Variants in AMN1 observed in about 807,000 individuals in gnomAD.
The protein encoded by AMN1 is antagonist of mitotic exit network 1 homolog.
AMN1 carries 20 observed loss-of-function variants against 33.0 expected under a neutral mutation model. That is an observed-to-expected ratio of 0.61 (90% CI 0.43 to 0.88). AMN1 has a LOEUF of 0.88. Among genes scored for constraint, AMN1 ranks in the 40% least tolerant of loss-of-function variants. The pLI, the probability that AMN1 is intolerant of heterozygous loss-of-function variation, is 0.00. For synonymous variants in AMN1, 114 were observed against 111.9 expected (o/e 1.02, Z -0.12); for missense variants, 246 against 307.4 (o/e 0.80, Z 1.49).
At chr12:31,711,712 A>G (rs945177508) in intron 1 of AMN1, among the ~76,000 whole-genome samples, 1 of 152,180 alleles carries the variant, frequency 6.6e-6, no homozygotes, top group Non-Finnish European at 1.5e-5. Context: ...TCTTTTGTTT[A>G]TGCTAGGAAC....
chr12:31,721,375 T>C (rs1939872880), intron 1 of AMN1, among the ~76,000 whole-genome samples: 1 of 151,960 alleles, frequency 6.6e-6, no homozygotes, highest in Non-Finnish European at 1.5e-5. Flanking sequence ...AAGAGGGAAA[T>C]ATCATCCTCA....
chr12:31,707,784 TAGA>T (rs1384789892), intron 2 of AMN1, among the ~76,000 whole-genome samples: 1 of 152,154 alleles, frequency 6.6e-6, no homozygotes, highest in Non-Finnish European at 1.5e-5. Flanking sequence ...GAGACAATGG[TAGA>T]AGATGTTTTA....
chr12:31,674,345 T>C (rs1451596062), intron 6 of AMN1, among the ~76,000 whole-genome samples: 5 of 151,704 alleles, frequency 3.3e-5, no homozygotes, highest in Non-Finnish European at 7.4e-5. Flanking sequence ...GAGGCGGAGA[T>C]TGCAGTAAGC....
chr12:31,684,025 T>G (rs780597460), intron 6 of AMN1, among the ~76,000 whole-genome samples: 1 of 152,212 alleles, frequency 6.6e-6, no homozygotes, highest in Non-Finnish European at 1.5e-5. Flanking sequence ...TGTTAACAAC[T>G]GATTTTTGTT....
chr12:31,682,806 C>T (rs774657536), intron 6 of AMN1, among the ~76,000 whole-genome samples: 27 of 152,096 alleles, frequency 1.8e-4, no homozygotes, highest in Non-Finnish European at 2.4e-4. Flanking sequence ...GATCATGTAA[C>T]GGTAACACCT....
intron 1 of AMN1, among the ~76,000 whole-genome samples, chr12:31,713,389 C>G (rs1939545295): frequency 6.6e-6 from 1 of 152,096 alleles, no homozygotes. Flanking sequence ...AAAATCAAGT[C>G]TTCTTTTCAT....
intron 2 of AMN1, among the ~76,000 whole-genome samples, chr12:31,703,584 A>T (rs982220222): frequency 2.0e-5 from 3 of 152,200 alleles, no homozygotes; most frequent in Non-Finnish European, 4.4e-5. Context: ...ATTCATTAGG[A>T]TAACGGCCTC....
At chr12:31,709,076 G>A (rs757428528) in intron 2 of AMN1, 2 of 600,712 alleles carry the variant, frequency 3.3e-6, no homozygotes. Flanking sequence ...TACTCAGGAG[G>A]CTGAAGAGGG....
chr12:31,724,533 A>G (rs765329311), intron 1 of AMN1, among the ~76,000 whole-genome samples: 1 of 152,110 alleles, frequency 6.6e-6, no homozygotes, highest in Non-Finnish European at 1.5e-5. Flanking sequence ...TCCATTTAAC[A>G]TATATATATA....
intron 1 of AMN1, among the ~76,000 whole-genome samples, chr12:31,720,165 CAT>C (rs1157459440): frequency 6.6e-6 from 1 of 152,166 alleles, no homozygotes; most frequent in Non-Finnish European, 1.5e-5. Context: ...GCATTTTGTA[CAT>C]TTACAATGTT....
chr12:31,711,919 CT>C (rs34519911), intron 1 of AMN1, among the ~76,000 whole-genome samples: 2 of 152,044 alleles, frequency 1.3e-5, no homozygotes, highest in African/African-American at 4.8e-5. Context: ...ATGATATCCA[CT>C]TTTTTTTAGT....
chr12:31,677,045 T>TC (rs1426306987), intron 6 of AMN1, among the ~76,000 whole-genome samples: 2 of 151,592 alleles, frequency 1.3e-5, no homozygotes, highest in African/African-American at 2.4e-5. Context: ...ACACCTGTAA[T>TC]CCCAGCACTT....
chr12:31,672,404 T>C (rs1419449067), intron 6 of AMN1, 27 bp from the exon 7 acceptor site: 16 of 1,464,388 alleles, frequency 1.1e-5, no homozygotes, highest in Non-Finnish European at 1.4e-5. Flanking sequence ...TGACAATATA[T>C]TAATTGACAA....
chr12:31,684,003 C>T (rs988590327), intron 6 of AMN1, among the ~76,000 whole-genome samples: 2 of 152,158 alleles, frequency 1.3e-5, no homozygotes, highest in African/African-American at 4.8e-5. Flanking sequence ...TTTCTAATGA[C>T]ATCAGTTATT....
chr12:31,697,510 T>G, intron 4 of AMN1, 93 bp from the exon 5 acceptor site: 4 of 1,258,782 alleles, frequency 3.2e-6, no homozygotes, highest in Non-Finnish European at 4.6e-6. Context: ...ATAGTCTTAA[T>G]GCCTCCCATT....
At position 31,714,955 on chromosome 12, in the gene AMN1, G is replaced by C. The variant is rs1939613311; in HGVS notation, c.39-5530C>G. The C allele has an allele frequency of 1.0e-5, 10 of 970,008 alleles. No homozygotes were observed. In the South Asian group the frequency reaches 4.3e-4, roughly 42 times the overall value. The allele number at this position is 970,008 out of a possible 1,614,324, so 60.1% of individuals were successfully genotyped here. On this transcript the variant is annotated intron_variant, in intron 1 of 6. Coordinates refer to ENST00000281471, the MANE Select transcript of AMN1 (RefSeq NM_001113402.2). ...AACCATTCAAGTCCAGTAGCATCTGGTAAAATTAGGACAGAATTGGGATTA... is the reference window on the plus strand; with the variant it reads ...AACCATTCAAGTCCAGTAGCATCTGCTAAAATTAGGACAGAATTGGGATTA...
chr12:31,672,806 C>A, intron 6 of AMN1: 1 of 165,640 alleles, frequency 6.0e-6, no homozygotes, highest in Non-Finnish European at 1.3e-5. Context: ...TTAAAGAAAG[C>A]CAATAGGTAC....
At chr12:31,728,390 C>G (rs1189934209) in intron 1 of AMN1, among the ~76,000 whole-genome samples, 1 of 152,182 alleles carries the variant, frequency 6.6e-6, no homozygotes, top group Non-Finnish European at 1.5e-5. Flanking sequence ...CTCAGGACAA[C>G]TCCATGTGAT....
intron 4 of AMN1, 44 bp from the exon 5 acceptor site, chr12:31,697,461 CG>C (rs1418846948): frequency 1.0e-5 from 16 of 1,584,324 alleles, no homozygotes; most frequent in African/African-American, 1.4e-5. Context: ...ATCCAGACAA[CG>C]GAAGTAGAAT....
Sources: gnomAD v4.1 joint callset for allele counts (sites outside exome capture counted in the v4.1 genomes callset) on GRCh38, gnomAD v4.1.1 for gene constraint, MANE v1.5 for transcripts, NCBI Gene and HGNC (gene_info 2026-07-23, HGNC 2026-07-21) for gene names.